CHST11: variants seen among roughly 807,000 people sequenced by gnomAD.
The protein encoded by CHST11 is carbohydrate sulfotransferase 11.
CHST11 carries 9 observed loss-of-function variants against 30.4 expected under a neutral mutation model. The observed-to-expected ratio is 0.30, with a 90% CI of 0.18 to 0.52. CHST11 has a LOEUF of 0.52. Ranked by LOEUF, CHST11 falls within the 20% of genes least tolerant of loss-of-function variation. The pLI is 0.97. For synonymous variants in CHST11, 152 were observed against 187.8 expected (o/e 0.81, Z 1.56); for missense variants, 348 against 460.6 (o/e 0.76, Z 2.24).
chr12:104,554,981 G>A (rs2038441465), intron 1 of CHST11, among the ~76,000 whole-genome samples: 1 of 152,314 alleles, frequency 6.6e-6, no homozygotes, highest in African/African-American at 2.4e-5. Context: ...TCCAGTTTCC[G>A]AGCTTGTGAT....
chr12:104,561,248 C>A (rs971728671), intron 1 of CHST11, among the ~76,000 whole-genome samples: 1 of 152,186 alleles, frequency 6.6e-6, no homozygotes, highest in African/African-American at 2.4e-5. Context: ...GATGTGGCGA[C>A]GCCATGGCAT....
intron 1 of CHST11, among the ~76,000 whole-genome samples, chr12:104,462,160 A>C (rs1264601290): frequency 1.5e-5 from 2 of 134,670 alleles, no homozygotes; most frequent in South Asian, 2.5e-4. Flanking sequence ...AGAGTTAAAC[A>C]CCATCTCAAA....
At chr12:104,474,665 G>C (rs1202205493) in intron 1 of CHST11, among the ~76,000 whole-genome samples, 1 of 152,184 alleles carries the variant, frequency 6.6e-6, no homozygotes, top group Non-Finnish European at 1.5e-5. Flanking sequence ...AAATAAACAA[G>C]GAATGGATTA....
intron 1 of CHST11, among the ~76,000 whole-genome samples, chr12:104,535,743 T>G (rs1038357252): frequency 6.6e-6 from 1 of 152,236 alleles, no homozygotes; most frequent in Non-Finnish European, 1.5e-5. Context: ...AGAGCTAACC[T>G]CGGAGTTATA....
chr12:104,491,345 C>A (rs531102626), intron 1 of CHST11, among the ~76,000 whole-genome samples: 24 of 152,284 alleles, frequency 1.6e-4, no homozygotes, highest in African/African-American at 5.5e-4. Context: ...TAAGTAAAAT[C>A]TATATAATAA....
At chr12:104,559,866 A>G (rs1458879790) in intron 1 of CHST11, among the ~76,000 whole-genome samples, 1 of 152,252 alleles carries the variant, frequency 6.6e-6, no homozygotes, top group Non-Finnish European at 1.5e-5. Context: ...TGGGAAAGCT[A>G]TAGGTTGGTG....
chr12:104,529,345 C>A (rs1364846843), intron 1 of CHST11, among the ~76,000 whole-genome samples: 1 of 152,214 alleles, frequency 6.6e-6, no homozygotes, highest in Non-Finnish European at 1.5e-5. Context: ...CCTGGCCCTG[C>A]CACTTACTTT....
chr12:104,616,568 C>T (rs952035192), intron 2 of CHST11, among the ~76,000 whole-genome samples: 2 of 151,872 alleles, frequency 1.3e-5, no homozygotes, highest in African/African-American at 2.4e-5. Context: ...CGGGTTCAAG[C>T]GATTCTCCTG....
At chr12:104,666,069 C>T (rs1453828525) in intron 2 of CHST11, among the ~76,000 whole-genome samples, 4 of 152,044 alleles carry the variant, frequency 2.6e-5, no homozygotes, top group African/African-American at 9.7e-5. Context: ...TCGCCCGCCT[C>T]GGCCTCCCAA....
chr12:104,716,799 T>A (rs763545357), intron 2 of CHST11, among the ~76,000 whole-genome samples: 1 of 152,278 alleles, frequency 6.6e-6, no homozygotes, highest in African/African-American at 2.4e-5. Flanking sequence ...TGGTACTATC[T>A]TAGTTTCCTA....
chr12:104,477,525 G>C (rs1051671150), intron 1 of CHST11, among the ~76,000 whole-genome samples: 2 of 152,156 alleles, frequency 1.3e-5, no homozygotes, highest in African/African-American at 4.8e-5. Context: ...GAGGCTCTTA[G>C]AAGGTGGTGG....
rs980191514 is a variant in CHST11, at chr12:104,758,593, G to A, written c.*790G>A. On this transcript the variant is annotated 3_prime_UTR_variant, in exon 3 of 3. Transcript: ENST00000303694. ...TACTATATACTAGGCCCTGAAGATA[G>A]AGCGTTGAACAAACCCAATAGTCTT... The A allele has an allele frequency of 1.2e-4, 18 of 152,262 alleles. No homozygotes were observed. Among genetic ancestry groups the A allele is most frequent in the Admixed American group, 9.2e-4 (14 of 15,298 alleles). The allele number at this position is 152,262 out of a possible 1,614,324, so 9.4% of individuals were successfully genotyped here.
intron 1 of CHST11, among the ~76,000 whole-genome samples, chr12:104,460,727 G>A (rs1262521522): frequency 6.6e-6 from 1 of 150,996 alleles, no homozygotes; most frequent in Admixed American, 6.6e-5. Context: ...CCCTCTCTCT[G>A]ATTCTAATCT....
At chr12:104,479,433 G>A (rs2037597111) in intron 1 of CHST11, among the ~76,000 whole-genome samples, 1 of 152,122 alleles carries the variant, frequency 6.6e-6, no homozygotes, top group Non-Finnish European at 1.5e-5. Flanking sequence ...GTCATCCCCA[G>A]CTCCTAGAAC....
chr12:104,475,688 A>ATATATATATATATATATATATGTT (rs1555226434), intron 1 of CHST11, among the ~76,000 whole-genome samples: 2 of 78,466 alleles, frequency 2.5e-5, no homozygotes, highest in South Asian at 4.3e-4. Context: ...ATATATATAT[A>ATATATATATATATATATATATGTT]TATTTCTGAT....
chr12:104,751,249 G>A (rs2040429351), intron 2 of CHST11, among the ~76,000 whole-genome samples: 1 of 152,206 alleles, frequency 6.6e-6, no homozygotes, highest in Admixed American at 6.5e-5. Flanking sequence ...AAAGAGGTTG[G>A]GAGGGTGATG....
chr12:104,478,658 G>A (rs946300254), intron 1 of CHST11, among the ~76,000 whole-genome samples: 1 of 152,202 alleles, frequency 6.6e-6, no homozygotes, highest in South Asian at 2.1e-4. Flanking sequence ...TATTCACGGG[G>A]CCCCAGAGCA....
intron 2 of CHST11, among the ~76,000 whole-genome samples, chr12:104,617,175 C>T (rs2039115840): frequency 6.6e-6 from 1 of 152,160 alleles, no homozygotes; most frequent in African/African-American, 2.4e-5. Context: ...GAGGTCACCG[C>T]AGTACCTGTA....
At chr12:104,567,871 C>T (rs2038583042) in intron 1 of CHST11, among the ~76,000 whole-genome samples, 1 of 152,240 alleles carries the variant, frequency 6.6e-6, no homozygotes, top group South Asian at 2.1e-4. Flanking sequence ...CTTCACCCCT[C>T]TGCCATGTGA....
Sources: allele counts gnomAD v4.1 joint callset (sites outside exome capture counted in the v4.1 genomes callset), GRCh38; gene constraint gnomAD v4.1.1; transcripts MANE v1.5; gene names NCBI Gene and HGNC (gene_info 2026-07-23, HGNC 2026-07-21).